The following DNAJC24 variants were observed in gnomAD, a reference collection of about 807,000 sequenced individuals.
The protein encoded by DNAJC24 is dnaJ homolog subfamily C member 24.
In DNAJC24, 17 loss-of-function variants were observed where a neutral mutation model predicts 18.0. That is an observed-to-expected ratio of 0.94 (90% CI 0.65 to 1.42). The LOEUF (loss-of-function observed/expected upper bound fraction) is 1.42, where lower values mean the gene tolerates loss of function less well. DNAJC24 is among the 40% of genes most tolerant of loss of function. The pLI is 0.00. For synonymous variants in DNAJC24, 55 were observed against 57.7 expected (o/e 0.95, Z 0.21); for missense variants, 158 against 175.6 (o/e 0.90, Z 0.57).
chr11:31,421,089 T>G (rs1952799452), intron 3 of DNAJC24, among the ~76,000 whole-genome samples: 1 of 152,198 alleles, frequency 6.6e-6, no homozygotes, highest in Non-Finnish European at 1.5e-5. Flanking sequence ...GAAAGGATTA[T>G]AGGGTTTATG....
intron 2 of DNAJC24, among the ~76,000 whole-genome samples, chr11:31,409,735 G>C (rs1952688943): frequency 6.6e-6 from 1 of 152,050 alleles, no homozygotes; most frequent in African/African-American, 2.4e-5. Flanking sequence ...TCTTTTCGTG[G>C]ATGTGTGATT....
chr11:31,372,012 A>T (rs1161670788), intron 2 of DNAJC24, among the ~76,000 whole-genome samples: 2 of 151,588 alleles, frequency 1.3e-5, no homozygotes, highest in East Asian at 3.9e-4. Flanking sequence ...TAGTAGAGAC[A>T]GGGTTTCATC....
intron 2 of DNAJC24, among the ~76,000 whole-genome samples, chr11:31,397,148 A>G (rs1211674786): frequency 6.6e-6 from 1 of 151,890 alleles, no homozygotes; most frequent in East Asian, 1.9e-4. Flanking sequence ...TGGCATGCCT[A>G]CTCTTTACCA....
chr11:31,399,020 C>G (rs1340690848), intron 2 of DNAJC24, among the ~76,000 whole-genome samples: 1 of 152,154 alleles, frequency 6.6e-6, no homozygotes, highest in African/African-American at 2.4e-5. Context: ...TCAGAATTCT[C>G]TCTGTAGCTT....
At chr11:31,395,516 T>C (rs1952536036) in intron 2 of DNAJC24, among the ~76,000 whole-genome samples, 2 of 152,204 alleles carry the variant, frequency 1.3e-5, no homozygotes. Flanking sequence ...CCACTAGCAG[T>C]GTATAAGCAT....
chr11:31,376,076 TA>T (rs1952311359), intron 2 of DNAJC24, among the ~76,000 whole-genome samples: 1 of 150,754 alleles, frequency 6.6e-6, no homozygotes, highest in Admixed American at 6.7e-5. Context: ...GGTTCCCCCA[TA>T]TTGTTCTCCT....
rs1368837141 is a variant in DNAJC24 at position 31,430,213 on chromosome 11, G to A, written c.320-58G>A. On this transcript the variant is annotated intron_variant, in intron 4 of 4. Coordinates refer to ENST00000465995, the MANE Select transcript of DNAJC24 (RefSeq NM_181706.5). Reference sequence around the variant, plus strand: ...GGAATAAACTCTGCACCTTTTAAGGGTATTAGTGAGGTAGTTACTTACAAG... The same window carrying A: ...GGAATAAACTCTGCACCTTTTAAGGATATTAGTGAGGTAGTTACTTACAAG... 7 of 1,483,956 alleles carry A rather than the reference G, an allele frequency of 4.7e-6. No individual in the cohort carries two copies. In the African/African-American group the frequency reaches 7.0e-5, roughly 15 times the overall value. 91.9% of individuals were successfully genotyped at this position (1,483,956 alleles called of 1,614,324 possible).
intron 2 of DNAJC24, among the ~76,000 whole-genome samples, chr11:31,379,952 TAG>T: frequency 6.6e-6 from 1 of 152,116 alleles, no homozygotes; most frequent in East Asian, 1.9e-4. Context: ...GTATTTTTAG[TAG>T]AGACAGGGTT....
chr11:31,376,926 G>T (rs1952321420), intron 2 of DNAJC24, among the ~76,000 whole-genome samples: 1 of 152,098 alleles, frequency 6.6e-6, no homozygotes, highest in South Asian at 2.1e-4. Context: ...CTTTCTAATA[G>T]ATTTAAGGAG....
intron 2 of DNAJC24, among the ~76,000 whole-genome samples, chr11:31,397,882 A>C (rs1463781778): frequency 6.6e-6 from 1 of 150,480 alleles, no homozygotes; most frequent in Non-Finnish European, 1.5e-5. Context: ...AGCTCACTGC[A>C]ACCTCTGCCT....
In DNAJC24 at chr11:31,373,336, G is replaced by T. The variant is rs1400840355; in HGVS notation, c.111+2477G>T. Among the ~76,000 whole-genome samples the T allele has an allele frequency of 3.0e-5, 4 of 134,534 alleles. 1 individual carries two copies. Among genetic ancestry groups the T allele is most frequent in the Non-Finnish European group, 6.9e-5 (4 of 58,170 alleles). 88.3% of individuals were successfully genotyped at this position (134,534 alleles called of 152,430 possible). On this transcript the variant is annotated intron_variant, in intron 2 of 4. Coordinates refer to ENST00000465995, the MANE Select transcript of DNAJC24 (RefSeq NM_181706.5). ...TTCTGTGTATAGCATGAGATGTGAG[G>T]TCATGTTTTTATTTTTCCTCAGTAT...
Position 31,414,812 on chromosome 11 carries a change from A to G in DNAJC24, c.113A>G (p.Tyr38Cys), listed in dbSNP as rs778680263. ...TGCACCCTTCTTTTTGATTGGCAGT[A>G]TCATCCAGATAAACAAAGTACAGAT... ...KQKYQKLILMYHPDKQSTDVP... is the reference protein window; with the variant it reads ...KQKYQKLILMCHPDKQSTDVP... The change falls in exon 3 of 5, where the codon TAT becomes TGT. Residue 38 changes from tyrosine (Y) to cysteine (C), a missense_variant and splice_region_variant. Physicochemically the swap from Tyr to Cys is radical, Grantham distance 194. Coordinates refer to ENST00000465995, the MANE Select transcript of DNAJC24 (RefSeq NM_181706.5). 3.7e-6 allele frequency: 6 copies of G among 1,612,996 alleles called. No homozygotes were observed. In the Middle Eastern group the frequency reaches 5.0e-4, roughly 133 times the overall value.
intron 2 of DNAJC24, among the ~76,000 whole-genome samples, chr11:31,410,385 CT>C (rs1437825383): frequency 6.6e-6 from 1 of 152,150 alleles, no homozygotes; most frequent in East Asian, 1.9e-4. Context: ...TTAGTTTTGT[CT>C]TTTTATCATT....
At chr11:31,381,102 T>C (rs1363835117) in intron 2 of DNAJC24, among the ~76,000 whole-genome samples, 1 of 152,160 alleles carries the variant, frequency 6.6e-6, no homozygotes, top group Non-Finnish European at 1.5e-5. Context: ...GGGTTTTATA[T>C]GATTAAAAGT....
intron 3 of DNAJC24, among the ~76,000 whole-genome samples, chr11:31,425,679 T>C (rs1395132618): frequency 6.6e-6 from 1 of 152,114 alleles, no homozygotes; most frequent in Non-Finnish European, 1.5e-5. Context: ...TGACTCCATT[T>C]AACGTTAATT....
intron 2 of DNAJC24, among the ~76,000 whole-genome samples, chr11:31,382,832 A>G (rs1174850121): frequency 1.3e-5 from 2 of 152,140 alleles, no homozygotes; most frequent in Admixed American, 6.5e-5. Context: ...AGGATTCATT[A>G]CCATAAGACT....
At chr11:31,411,971 A>G (rs549462440) in intron 2 of DNAJC24, among the ~76,000 whole-genome samples, 7 of 152,178 alleles carry the variant, frequency 4.6e-5, no homozygotes, top group Non-Finnish European at 8.8e-5. Context: ...TTTTCTTGCT[A>G]TAAGTGTCAT....
chr11:31,391,678 A>G (rs1322934975), intron 2 of DNAJC24, among the ~76,000 whole-genome samples: 5 of 152,204 alleles, frequency 3.3e-5, no homozygotes, highest in Non-Finnish European at 7.4e-5. Context: ...TGCAACCAGT[A>G]TGGAGAACAG....
chr11:31,409,483 G>C (rs1397684910), intron 2 of DNAJC24, among the ~76,000 whole-genome samples: 1 of 152,056 alleles, frequency 6.6e-6, no homozygotes, highest in East Asian at 1.9e-4. Context: ...GGGATTTCAT[G>C]TTCATGTAAT....
Sources: gnomAD v4.1 joint callset for allele counts (sites outside exome capture counted in the v4.1 genomes callset) on GRCh38, gnomAD v4.1.1 for gene constraint, MANE v1.5 for transcripts, NCBI Gene and HGNC (gene_info 2026-07-23, HGNC 2026-07-21) for gene names.